GRID2: variants seen among roughly 807,000 people sequenced by gnomAD.
The protein encoded by GRID2 is glutamate ionotropic receptor delta type subunit 2.
In GRID2, 33 loss-of-function variants were observed where a neutral mutation model predicts 114.8. The ratio of observed to expected loss-of-function variants is 0.29; its 90% CI spans 0.22 to 0.38. The LOEUF (loss-of-function observed/expected upper bound fraction) is 0.38. Among genes scored for constraint, GRID2 ranks in the 10% least tolerant of loss-of-function variants. The pLI is 1.00. For missense variants in GRID2, 1,184 were observed against 1,257.7 expected (o/e 0.94, Z 0.89); for synonymous variants, 505 against 449.9 (o/e 1.12, Z -1.55).
intron 2 of GRID2, among the ~76,000 whole-genome samples, chr4:93,072,156 C>T (rs1020558774): frequency 6.6e-6 from 1 of 151,688 alleles, no homozygotes; most frequent in Admixed American, 6.6e-5. Context: ...CCCACCTGCA[C>T]AATGAGAAAA....
chr4:92,770,745 A>G (rs1473588151), intron 2 of GRID2, among the ~76,000 whole-genome samples: 1 of 152,066 alleles, frequency 6.6e-6, no homozygotes. Flanking sequence ...AAAGCGCGGG[A>G]AAGACCCACC....
intron 2 of GRID2, among the ~76,000 whole-genome samples, chr4:92,842,523 A>C (rs902075987): frequency 6.6e-5 from 10 of 152,158 alleles, no homozygotes; most frequent in African/African-American, 2.2e-4. Flanking sequence ...TGTTTCTAAA[A>C]TTTGGGAAGA....
intron 11 of GRID2, among the ~76,000 whole-genome samples, chr4:93,487,730 A>T (rs555027343): frequency 1.3e-5 from 2 of 151,870 alleles, no homozygotes; most frequent in Non-Finnish European, 2.9e-5. Flanking sequence ...ATATGAAGCT[A>T]TCTTTCTGGG....
intron 8 of GRID2, among the ~76,000 whole-genome samples, chr4:93,364,209 T>C (rs182406280): frequency 1.3e-5 from 2 of 152,274 alleles, no homozygotes; most frequent in Non-Finnish European, 2.9e-5. Flanking sequence ...AAACTAGTGC[T>C]ATTTTTATTT....
At chr4:93,729,679 A>G (rs545530692) in intron 14 of GRID2, among the ~76,000 whole-genome samples, 2 of 151,952 alleles carry the variant, frequency 1.3e-5, no homozygotes, top group African/African-American at 4.8e-5. Flanking sequence ...CCGAGTAGCT[A>G]GGATTACAGG....
chr4:92,783,144 T>A (rs2149359765), intron 2 of GRID2, among the ~76,000 whole-genome samples: 1 of 152,244 alleles, frequency 6.6e-6, no homozygotes, highest in South Asian at 2.1e-4. Context: ...ATTATATTCA[T>A]AGCTAATTCT....
At chr4:93,222,933 A>G (rs1745064014) in intron 6 of GRID2, among the ~76,000 whole-genome samples, 1 of 152,182 alleles carries the variant, frequency 6.6e-6, no homozygotes, top group Admixed American at 6.6e-5. Flanking sequence ...CATCAATGAT[A>G]CCCCAACAAT....
At chr4:92,809,581 A>G (rs1197508286) in intron 2 of GRID2, among the ~76,000 whole-genome samples, 3 of 151,998 alleles carry the variant, frequency 2.0e-5, no homozygotes, top group Non-Finnish European at 2.9e-5. Flanking sequence ...CTAAATTGCA[A>G]CATTCCATTT....
intron 3 of GRID2, 53 bp downstream of exon 3, chr4:93,085,332 C>A: frequency 7.5e-7 from 1 of 1,340,944 alleles, no homozygotes; most frequent in Non-Finnish European, 1.1e-6. Flanking sequence ...GCATGAGAAG[C>A]AAATTCATTA....
At chr4:92,985,507 G>A (rs1325487630) in intron 2 of GRID2, among the ~76,000 whole-genome samples, 12 of 152,080 alleles carry the variant, frequency 7.9e-5, no homozygotes, top group Admixed American at 7.9e-4. Flanking sequence ...AAAGTGCTGG[G>A]ATTACAGGCG....
intron 4 of GRID2, among the ~76,000 whole-genome samples, chr4:93,167,926 G>A (rs1298403661): frequency 2.0e-5 from 3 of 152,078 alleles, no homozygotes; most frequent in Admixed American, 2.0e-4. Context: ...GGGTGCAGTG[G>A]CTCACACCTG....
At chr4:93,533,564 A>AT (rs1731723499) in intron 13 of GRID2, among the ~76,000 whole-genome samples, 1 of 58,658 alleles carries the variant, frequency 1.7e-5, no homozygotes, top group Non-Finnish European at 3.5e-5. Flanking sequence ...TTTTTTTGGT[A>AT]TTTTTAGTAG....
chr4:92,769,620 G>A (rs753213629), intron 2 of GRID2, among the ~76,000 whole-genome samples: 10 of 152,172 alleles, frequency 6.6e-5, no homozygotes, highest in Non-Finnish European at 1.3e-4. Flanking sequence ...AATCTAGGTG[G>A]AGGTTCTCAA....
chr4:92,373,089 T>C (rs146910243), intron 1 of GRID2, among the ~76,000 whole-genome samples: 33 of 152,306 alleles, frequency 2.2e-4, no homozygotes, highest in Admixed American at 5.2e-4. Flanking sequence ...TACAGGTTCA[T>C]GCTAGGTAAT....
chr4:92,886,882 C>T (rs1746409773), intron 2 of GRID2, among the ~76,000 whole-genome samples: 2 of 152,142 alleles, frequency 1.3e-5, no homozygotes, highest in Admixed American at 1.3e-4. Flanking sequence ...GCCTCGGCCT[C>T]CCAAAGTGCT....
chr4:92,743,719 T>C (rs1428928729), intron 2 of GRID2, among the ~76,000 whole-genome samples: 2 of 152,098 alleles, frequency 1.3e-5, no homozygotes, highest in African/African-American at 4.8e-5. Flanking sequence ...TTACATAAGG[T>C]TGTATGGGCC....
At chr4:92,664,673 C>T (rs1732681860) in intron 2 of GRID2, among the ~76,000 whole-genome samples, 1 of 148,852 alleles carries the variant, frequency 6.7e-6, no homozygotes, top group African/African-American at 2.5e-5. Flanking sequence ...ACTGTCTATC[C>T]CTTAAATACT....
intron 2 of GRID2, among the ~76,000 whole-genome samples, chr4:92,777,136 C>G (rs1738846549): frequency 6.6e-6 from 1 of 151,230 alleles, no homozygotes; most frequent in Admixed American, 6.6e-5. Flanking sequence ...TCCCACTTTG[C>G]CTGGGAGACT....
At chr4:93,086,965 CAG>C (rs1730376505) in intron 3 of GRID2, among the ~76,000 whole-genome samples, 2 of 151,896 alleles carry the variant, frequency 1.3e-5, no homozygotes, top group Admixed American at 6.6e-5. Context: ...AATTTAAAAA[CAG>C]TAACTTTATT....
Sources: gnomAD v4.1 joint callset for allele counts (sites outside exome capture counted in the v4.1 genomes callset) on GRCh38, gnomAD v4.1.1 for gene constraint, MANE v1.5 for transcripts, NCBI Gene and HGNC (gene_info 2026-07-23, HGNC 2026-07-21) for gene names.